The following CADM2 variants were observed in gnomAD, a reference collection of about 807,000 sequenced individuals.
CADM2 encodes the protein cell adhesion molecule 2, also known as immunoglobulin superfamily member 4D.
CADM2 carries 12 observed loss-of-function variants against 49.8 expected under a neutral mutation model. The observed-to-expected ratio is 0.24, with a 90% CI of 0.15 to 0.39. The LOEUF is 0.39. Ranked by LOEUF, CADM2 falls within the 10% of genes least tolerant of loss-of-function variation. The pLI, the probability that CADM2 is intolerant of heterozygous loss-of-function variation, is 1.00. For synonymous variants in CADM2, 214 were observed against 175.4 expected (o/e 1.22, Z -1.74); for missense variants, 378 against 492.3 (o/e 0.77, Z 2.20).
chr3:86,036,385 T>C (rs1282656662), intron 8 of CADM2, among the ~76,000 whole-genome samples: 1 of 152,168 alleles, frequency 6.6e-6, no homozygotes, highest in Non-Finnish European at 1.5e-5. Flanking sequence ...AGTTGTGTCC[T>C]AGGCATCTTC....
intron 1 of CADM2, among the ~76,000 whole-genome samples, chr3:85,270,862 A>G (rs1429848528): frequency 6.6e-6 from 1 of 151,578 alleles, no homozygotes; most frequent in South Asian, 2.1e-4. Context: ...CCCAAATATA[A>G]ATTTTATGAA....
chr3:85,891,416 C>T (rs1714417524), intron 5 of CADM2, among the ~76,000 whole-genome samples: 1 of 152,116 alleles, frequency 6.6e-6, no homozygotes, highest in Admixed American at 6.5e-5. Context: ...CTTAATTATC[C>T]ACACCCTTGT....
intron 8 of CADM2, chr3:86,014,467 C>A: frequency 6.7e-7 from 1 of 1,497,684 alleles, no homozygotes; most frequent in Non-Finnish European, 8.9e-7. Flanking sequence ...AATTTGGTAA[C>A]CAAACTTGAT....
intron 1 of CADM2, among the ~76,000 whole-genome samples, chr3:85,119,564 G>C (rs1402371425): frequency 6.6e-6 from 1 of 152,018 alleles, no homozygotes; most frequent in East Asian, 1.9e-4. Flanking sequence ...GATGGGGATA[G>C]CACTGAATCT....
intron 3 of CADM2, 77 bp downstream of exon 3, chr3:85,802,273 G>A (rs2072095625): frequency 3.1e-6 from 4 of 1,270,450 alleles, no homozygotes; most frequent in Non-Finnish European, 4.3e-6. Flanking sequence ...TTTCTGAGAT[G>A]ATTCAAACTA....
At chr3:85,020,829 G>A (rs920780410) in intron 1 of CADM2, among the ~76,000 whole-genome samples, 1 of 151,390 alleles carries the variant, frequency 6.6e-6, no homozygotes, top group Non-Finnish European at 1.5e-5. Context: ...TGGCATTGCG[G>A]CACAATAAAA....
chr3:85,883,909 GTATT>G (rs1330287852), intron 4 of CADM2, among the ~76,000 whole-genome samples: 5 of 152,112 alleles, frequency 3.3e-5, no homozygotes, highest in Non-Finnish European at 2.9e-5. Flanking sequence ...ACCTGCTTGT[GTATT>G]TAGTGCATTT....
intron 1 of CADM2, among the ~76,000 whole-genome samples, chr3:85,596,946 A>G (rs1212814494): frequency 6.6e-6 from 1 of 151,990 alleles, no homozygotes; most frequent in Non-Finnish European, 1.5e-5. Flanking sequence ...CAAACTCCTG[A>G]CCTCAAGTAA....
At chr3:85,924,802 G>T (rs1009306230) in intron 6 of CADM2, among the ~76,000 whole-genome samples, 2 of 151,850 alleles carry the variant, frequency 1.3e-5, no homozygotes, top group Admixed American at 1.3e-4. Context: ...CTTAAATATT[G>T]GTTCTTTACC....
At chr3:86,021,810 G>A (rs1733224628) in intron 8 of CADM2, among the ~76,000 whole-genome samples, 1 of 152,164 alleles carries the variant, frequency 6.6e-6, no homozygotes, top group Non-Finnish European at 1.5e-5. Flanking sequence ...CAAAACAGCA[G>A]TTATCAGTGG....
intron 1 of CADM2, among the ~76,000 whole-genome samples, chr3:84,963,632 T>C (rs775305970): frequency 9.9e-5 from 15 of 152,100 alleles, no homozygotes; most frequent in Non-Finnish European, 1.6e-4. Flanking sequence ...TTAGTAAAAA[T>C]ATAACACAAG....
chr3:85,147,078 T>A (rs1448260206), intron 1 of CADM2, among the ~76,000 whole-genome samples: 1 of 151,742 alleles, frequency 6.6e-6, no homozygotes, highest in Non-Finnish European at 1.5e-5. Flanking sequence ...GTCAAGACCA[T>A]CCTGGCTAAC....
At chr3:85,722,847 T>G (rs2067558108) in intron 1 of CADM2, among the ~76,000 whole-genome samples, 1 of 152,158 alleles carries the variant, frequency 6.6e-6, no homozygotes, top group Non-Finnish European at 1.5e-5. Context: ...AAATGCATTT[T>G]AAGAGTCCCT....
At position 85,040,568 on chromosome 3, in the gene CADM2, A is replaced by G. The variant is rs574977219; in HGVS notation, c.61+80900A>G. ...CTAGTCGCTAGAGGAGAATTAAGCC[A>G]TCTCAAACAAACAAACAATAGGTTT... On this transcript the variant is annotated intron_variant, in intron 1 of 9. Transcript: ENST00000383699. Among the ~76,000 whole-genome samples, 8 of 151,396 alleles carry G rather than the reference A, an allele frequency of 5.3e-5. No homozygotes were observed. In the South Asian group the frequency reaches 1.7e-3, roughly 31 times the overall value.
chr3:85,850,657 C>G (rs1317291261), intron 3 of CADM2, among the ~76,000 whole-genome samples: 2 of 152,104 alleles, frequency 1.3e-5, no homozygotes, highest in Admixed American at 1.3e-4. Context: ...GTTCCTTTCT[C>G]TTTGTGGATT....
chr3:85,822,909 A>C (rs943276378), intron 3 of CADM2, among the ~76,000 whole-genome samples: 2 of 152,178 alleles, frequency 1.3e-5, no homozygotes, highest in African/African-American at 2.4e-5. Context: ...TGTCATAAAT[A>C]ATTGTAGAAA....
chr3:85,743,117 T>C (rs2068464337), intron 2 of CADM2, among the ~76,000 whole-genome samples: 1 of 152,184 alleles, frequency 6.6e-6, no homozygotes, highest in Admixed American at 6.5e-5. Flanking sequence ...CACTGACCTC[T>C]TTCAGCTTGA....
chr3:84,959,818 G>A lies in CADM2; in HGVS notation c.61+150G>A, dbSNP rs1575920454. On this transcript the variant is annotated intron_variant, in intron 1 of 9. Coordinates refer to ENST00000383699, the MANE Select transcript of CADM2 (RefSeq NM_001167675.2). ...CTACTCTCTGGTGCGGCAGGGGGCAGTGGCAGTTTGCACCAGCCCCTCGAA... is the reference window on the plus strand; with the variant it reads ...CTACTCTCTGGTGCGGCAGGGGGCAATGGCAGTTTGCACCAGCCCCTCGAA... 3 of 735,282 alleles carry A rather than the reference G, an allele frequency of 4.1e-6. No individual in the cohort carries two copies. The East Asian group carries it at 8.2e-5, about 20-fold the overall frequency. The allele number at this position is 735,282 out of a possible 1,614,324, so 45.5% of individuals were successfully genotyped here.
chr3:85,448,250 G>A (rs2037564985), intron 1 of CADM2, among the ~76,000 whole-genome samples: 1 of 149,522 alleles, frequency 6.7e-6, no homozygotes, highest in South Asian at 2.1e-4. Context: ...GGAGAATGGC[G>A]AGAACCCGGA....
Sources: gnomAD v4.1 joint callset for allele counts (sites outside exome capture counted in the v4.1 genomes callset) on GRCh38, gnomAD v4.1.1 for gene constraint, MANE v1.5 for transcripts, NCBI Gene and HGNC (gene_info 2026-07-23, HGNC 2026-07-21) for gene names.